The following CALHM4 variants were observed in gnomAD, a reference collection of about 807,000 sequenced individuals.
CALHM4 encodes the protein calcium homeostasis modulator protein 4.
Under a neutral mutation model 13.3 loss-of-function variants are expected in CALHM4, and 16 were observed. The observed-to-expected ratio is 1.20, with a 90% CI of 0.81 to 1.82. The LOEUF (loss-of-function observed/expected upper bound fraction) is 1.82, where lower values mean the gene tolerates loss of function less well. Among genes scored for constraint, CALHM4 ranks in the 40% most tolerant of loss-of-function variants. The pLI is 0.00. For missense variants in CALHM4, 344 were observed against 374.9 expected (o/e 0.92, Z 0.68); for synonymous variants, 127 against 137.1 (o/e 0.93, Z 0.52).
intron 1 of CALHM4, 71 bp from the exon 2 acceptor site, chr6:116,557,754 C>G: frequency 6.6e-7 from 1 of 1,516,342 alleles, no homozygotes; most frequent in Non-Finnish European, 8.9e-7. Context: ...GGAATCCCCC[C>G]TCCCATGGCT....
chr6:116,543,470 A>G (rs1773586092), intron 1 of CALHM4: 2 of 1,315,998 alleles, frequency 1.5e-6, no homozygotes, highest in Non-Finnish European at 2.1e-6. Flanking sequence ...TCTTTTGTTT[A>G]TAAAATCTGG....
chr6:116,535,898 A>G (rs775393503), intron 1 of CALHM4, among the ~76,000 whole-genome samples: 2 of 152,234 alleles, frequency 1.3e-5, no homozygotes, highest in Non-Finnish European at 2.9e-5. Context: ...GTGATAGCAG[A>G]TAAGTCTCAA....
chr6:116,552,620 GTTTA>G (rs1269715036), upstream of CALHM4, among the ~76,000 whole-genome samples: 2 of 152,102 alleles, frequency 1.3e-5, no homozygotes, highest in Admixed American at 6.5e-5. Flanking sequence ...CCAGTTAAAA[GTTTA>G]TTTGAGAAGA....
rs1774435601 is a variant in CALHM4, at chr6:116,558,293, C to T, written c.*82C>T. The T allele has an allele frequency of 6.6e-6, 9 of 1,367,206 alleles. No homozygotes were observed. The East Asian group carries it at 2.1e-4, about 32-fold the overall frequency. The allele number at this position is 1,367,206 out of a possible 1,614,324, so 84.7% of individuals were successfully genotyped here. On this transcript the variant is annotated 3_prime_UTR_variant, in exon 2 of 2. Coordinates refer to ENST00000368596, the MANE Select transcript of CALHM4 (RefSeq NM_001366078.2). ...TATGATCAGGCCATTTCAATGTAATCTCTTCATCTTTTTCTTTCTCTCTGA... is the reference window on the plus strand; with the variant it reads ...TATGATCAGGCCATTTCAATGTAATTTCTTCATCTTTTTCTTTCTCTCTGA...
At chr6:116,555,207 T>A (rs1774257192) in intron 1 of CALHM4, among the ~76,000 whole-genome samples, 1 of 152,242 alleles carries the variant, frequency 6.6e-6, no homozygotes, top group Non-Finnish European at 1.5e-5. Flanking sequence ...GCCCAGTTTT[T>A]AAAAAGTTAG....
chr6:116,553,626 G>C (rs1009127376), upstream of CALHM4: 15 of 653,798 alleles, frequency 2.3e-5, no homozygotes, highest in African/African-American at 2.7e-4. Context: ...CTGAGCTCAG[G>C]GTTTTCAAAG....
chr6:116,543,910 A>C (rs1476105267), intron 2 of CALHM4: 14 of 1,448,670 alleles, frequency 9.7e-6, no homozygotes, highest in Admixed American at 2.1e-5. Context: ...AAAAAAGGGG[A>C]ATGTGATATT....
chr6:116,543,674 A>C, intron 1 of CALHM4: 1 of 746,708 alleles, frequency 1.3e-6, no homozygotes, highest in Non-Finnish European at 2.2e-6. Flanking sequence ...GATAACTTGC[A>C]ATGTATTTTC....
At chr6:116,530,947 T>TA (rs1772679027) in intron 1 of CALHM4, among the ~76,000 whole-genome samples, 2 of 121,050 alleles carry the variant, frequency 1.7e-5, no homozygotes, top group African/African-American at 6.2e-5. Flanking sequence ...ATATATATGT[T>TA]ACTAATTTCC....
At chr6:116,540,229 C>A (rs930924868) in intron 1 of CALHM4, 1 of 808,528 alleles carries the variant, frequency 1.2e-6, no homozygotes. Flanking sequence ...AAATGCTTTT[C>A]AATCAGAATC....
chr6:116,540,310 A>G, intron 1 of CALHM4: 4 of 1,514,014 alleles, frequency 2.6e-6, no homozygotes, highest in East Asian at 2.5e-5. Flanking sequence ...ACCATACTCA[A>G]AAAGAATCAG....
chr6:116,554,696 ATAGATTT>A (rs1774231702), intron 1 of CALHM4, among the ~76,000 whole-genome samples: 1 of 152,206 alleles, frequency 6.6e-6, no homozygotes, highest in South Asian at 2.1e-4. Context: ...ATTAAGAACA[ATAGATTT>A]TAGATGTTAT....
chr6:116,542,306 A>AG (rs1773511582), intron 1 of CALHM4, among the ~76,000 whole-genome samples: 1 of 152,124 alleles, frequency 6.6e-6, no homozygotes. Context: ...TCCAAAAAAA[A>AG]GTCATGTGTA....
intron 1 of CALHM4, among the ~76,000 whole-genome samples, chr6:116,533,821 A>G (rs1772899843): frequency 6.6e-6 from 1 of 152,180 alleles, no homozygotes; most frequent in Non-Finnish European, 1.5e-5. Context: ...AGGGCATAGA[A>G]TACCCAGTGG....
Position 116,553,940 on chromosome 6 carries a change from C to A in CALHM4, c.147C>A (p.Phe49Leu). The A allele has an allele frequency of 6.4e-7, 1 of 1,550,630 alleles. No individual in the cohort carries two copies. Among genetic ancestry groups the A allele is most frequent in the Non-Finnish European group, 8.7e-7 (1 of 1,147,004 alleles). The part of the protein sequence containing the change: ...FSCPCQVGKN[F>L]YYGSAFLVIP... The stretch of plus-strand genomic sequence containing the variant: ...GTCCTTGTCAGGTTGGAAAAAATTT[C>A]TATTATGGTTCTGCTTTTCTTGTCA... Residue 49 changes from phenylalanine to leucine, a missense_variant, in exon 1 of 2, where the codon TTC becomes TTA. Physicochemically the swap from Phe to Leu is conservative, Grantham distance 22. Coordinates refer to ENST00000368596, the MANE Select transcript of CALHM4 (RefSeq NM_001366078.2).
chr6:116,538,829 T>G (rs1773256513), intron 1 of CALHM4, among the ~76,000 whole-genome samples: 1 of 151,742 alleles, frequency 6.6e-6, no homozygotes, highest in African/African-American at 2.4e-5. Flanking sequence ...CCTCCCAGCC[T>G]CAAGCCATCC....
intron 2 of CALHM4, among the ~76,000 whole-genome samples, chr6:116,544,620 T>G (rs1443858133): frequency 6.6e-6 from 1 of 152,186 alleles, no homozygotes; most frequent in Non-Finnish European, 1.5e-5. Context: ...AAATACATTT[T>G]AACTGCTTTA....
intron 1 of CALHM4, among the ~76,000 whole-genome samples, chr6:116,557,378 G>A (rs1463514121): frequency 2.0e-5 from 3 of 152,068 alleles, no homozygotes; most frequent in East Asian, 3.8e-4. Flanking sequence ...TGCCTTAGAA[G>A]GTTACTATTA....
chr6:116,547,371 G>T (rs532514511), intron 2 of CALHM4, among the ~76,000 whole-genome samples: 11 of 152,142 alleles, frequency 7.2e-5, no homozygotes, highest in Non-Finnish European at 1.0e-4. Context: ...TGGCCATCGG[G>T]AGAATTCGGG....
Sources: allele counts gnomAD v4.1 joint callset (sites outside exome capture counted in the v4.1 genomes callset), GRCh38; gene constraint gnomAD v4.1.1; transcripts MANE v1.5; gene names NCBI Gene and HGNC (gene_info 2026-07-23, HGNC 2026-07-21).